The following NGLY1 variants were observed in gnomAD, a reference collection of about 807,000 sequenced individuals.
The protein encoded by NGLY1 is N-glycanase 1.
A neutral mutation model predicts 84.6 loss-of-function variants in NGLY1; 68 were observed. The ratio of observed to expected loss-of-function variants is 0.80; its 90% confidence interval spans 0.66 to 0.98. NGLY1 has a LOEUF of 0.98. NGLY1 is among the 50% of genes least tolerant of loss of function. The pLI is 0.00. For synonymous variants in NGLY1, 280 were observed against 275.2 expected (o/e 1.02, Z -0.17); for missense variants, 779 against 770.2 (o/e 1.01, Z -0.14).
chr3:25,749,228 C>G (rs1462209463), intron 4 of NGLY1, among the ~76,000 whole-genome samples: 1 of 152,192 alleles, frequency 6.6e-6, no homozygotes, highest in African/African-American at 2.4e-5. Context: ...TAAGATCCAG[C>G]AGTTTCACTT....
rs575520419 is a variant in NGLY1 at position 25,789,452 on chromosome 3, TAAG to T, written c.5+406_5+408del. Among the ~76,000 whole-genome samples the T allele has an allele frequency of 1.8e-4, 28 of 152,288 alleles. 1 individual carries two copies. Among genetic ancestry groups the T allele is most frequent in the Middle Eastern group, 6.8e-3 (2 of 294 alleles). ...TTTATTAAATAAAGCTAAGCAAAAA[TAAG>T]GAGGGAAAGATCACAATCAGTATAC... On this transcript the variant is annotated intron_variant, in intron 1 of 11. Coordinates refer to the NGLY1 transcript ENST00000417874.
intron 9 of NGLY1, among the ~76,000 whole-genome samples, chr3:25,730,939 C>G (rs1705506812): frequency 6.6e-6 from 1 of 152,048 alleles, no homozygotes; most frequent in Non-Finnish European, 1.5e-5. Context: ...TCAACTTTAG[C>G]TCCCTAAGGG....
chr3:25,768,112 C>CAAAAA (rs1165791295), intron 2 of NGLY1, among the ~76,000 whole-genome samples: 3 of 49,142 alleles, frequency 6.1e-5, no homozygotes, highest in Non-Finnish European at 1.1e-4. Context: ...GACTCCATCT[C>CAAAAA]AAAAAAAAAA....
At chr3:25,729,046 C>G (rs1156985312) in intron 10 of NGLY1, 87 bp downstream of exon 10, 3 of 935,288 alleles carry the variant, frequency 3.2e-6, no homozygotes, top group Non-Finnish European at 4.4e-6. Flanking sequence ...TATCAGTTTT[C>G]ATATTTTACA....
chr3:25,740,125 T>G (rs1165897661), intron 4 of NGLY1, among the ~76,000 whole-genome samples: 1 of 151,994 alleles, frequency 6.6e-6, no homozygotes, highest in African/African-American at 2.4e-5. Context: ...ACAAGGGAGG[T>G]AGAAAAATAA....
intron 3 of NGLY1, among the ~76,000 whole-genome samples, chr3:25,759,319 G>GAA (rs759612741): frequency 6.1e-5 from 5 of 82,276 alleles, no homozygotes; most frequent in East Asian, 3.4e-4. Flanking sequence ...TATAGAAACA[G>GAA]AAAAAAAAAA....
intron 8 of NGLY1, among the ~76,000 whole-genome samples, chr3:25,733,533 C>T (rs1705662326): frequency 7.4e-6 from 1 of 134,666 alleles, no homozygotes; most frequent in Non-Finnish European, 1.6e-5. Context: ...ATACATAATA[C>T]ATAAATATGA....
intron 9 of NGLY1, among the ~76,000 whole-genome samples, chr3:25,731,057 T>C (rs985391135): frequency 1.3e-5 from 2 of 152,106 alleles, no homozygotes; most frequent in Non-Finnish European, 2.9e-5. Flanking sequence ...TATATTTCCA[T>C]TGTTATTTAA....
intron 3 of NGLY1, chr3:25,754,903 G>T: frequency 1.4e-6 from 1 of 690,480 alleles, no homozygotes; most frequent in South Asian, 1.7e-5. Flanking sequence ...CTCTCTCTCC[G>T]GATAACGAGT....
intron 5 of NGLY1, 123 bp downstream of exon 5, chr3:25,739,454 C>T: frequency 1.0e-6 from 1 of 958,892 alleles, no homozygotes; most frequent in East Asian, 2.6e-5. Context: ...CCACGGTTTG[C>T]TCACCGGTAT....
rs916571774 is a variant in NGLY1, at chr3:25,720,065, T to C, written c.1738A>G (p.Thr580Ala). 1.2e-6 allele frequency: 2 copies of C among 1,613,840 alleles called. No individual in the cohort carries two copies. The highest frequency in any genetic ancestry group is 2.7e-5 in the African/African-American group (2 of 74,914). ...RTSSQTFQTG[T>A]VEWKLRSDTA... is the part of the protein sequence containing the mutation. ...TCAGATCGCAATTTCCATTCTACTG[T>C]TCCAGTCTGAAAAGTTTGACTACTT... is the stretch of plus-strand genomic sequence containing the variant. Residue 580 changes from threonine (T) to alanine (A), a missense_variant, in exon 11 of 12, where the codon ACA becomes GCA. Transcript: ENST00000280700.
chr3:25,752,812 T>C (rs1380363162), intron 3 of NGLY1, among the ~76,000 whole-genome samples: 1 of 150,830 alleles, frequency 6.6e-6, no homozygotes, highest in Non-Finnish European at 1.5e-5. Flanking sequence ...CAAAAATAAA[T>C]TAATAAGTAA....
intron 4 of NGLY1, among the ~76,000 whole-genome samples, chr3:25,741,266 T>C (rs988825701): frequency 5.3e-5 from 8 of 151,966 alleles, no homozygotes; most frequent in African/African-American, 1.5e-4. Context: ...AGACATATTA[T>C]AAAACTCTAA....
At chr3:25,757,895 A>G (rs1321130025) in intron 3 of NGLY1, among the ~76,000 whole-genome samples, 2 of 152,260 alleles carry the variant, frequency 1.3e-5, no homozygotes, top group Non-Finnish European at 2.9e-5. Context: ...AAAATGTCAT[A>G]AAGTCAAAGG....
upstream of NGLY1, among the ~76,000 whole-genome samples, chr3:25,788,431 G>C (rs1159165723): frequency 6.6e-6 from 1 of 152,160 alleles, no homozygotes; most frequent in East Asian, 1.9e-4. Context: ...TGGAATTGTA[G>C]CAGGAAATAT....
chr3:25,733,930 C>A lies in NGLY1; in HGVS notation c.1202G>T (p.Arg401Ile), dbSNP rs1451157480. ...YSCKHEEVIA[R>I]RTKVKEALLR... is the part of the protein sequence containing the mutation. ...TAATGCTTCTTTAACCTTAGTTCTT[C>A]TGGCAATCACCTCTTCATGTTTGCA... is the stretch of plus-strand genomic sequence containing the variant. Residue 401 changes from arginine to isoleucine, a missense_variant, in exon 8 of 12, where the codon AGA (arginine) becomes ATA (isoleucine). Transcript: ENST00000280700. 7 of 1,613,892 alleles carry A rather than the reference C, an allele frequency of 4.3e-6. No homozygotes were observed. The highest frequency in any genetic ancestry group is 5.9e-6 in the Non-Finnish European group (7 of 1,179,892).
At chr3:25,722,748 C>A (rs1705066961) in intron 10 of NGLY1, among the ~76,000 whole-genome samples, 1 of 152,200 alleles carries the variant, frequency 6.6e-6, no homozygotes, top group Non-Finnish European at 1.5e-5. Flanking sequence ...CTGCATGCTC[C>A]TCTTACAGCC....
Position 25,737,348 on chromosome 3 carries a change from A to T in NGLY1, c.989T>A (p.Val330Asp). 1 of 1,613,000 alleles carries T rather than the reference A, an allele frequency of 6.2e-7. No homozygotes were observed. The highest frequency in any genetic ancestry group is 8.5e-7 in the Non-Finnish European group (1 of 1,179,684). Residue 330 changes from valine (V) to aspartate (D), a missense_variant, in exon 6 of 12, where the codon GTT becomes GAT. Transcript: ENST00000280700. ...ACATTCTGTACCTGTGTAATCCCAA[A>T]CATAGCGAGCTTCAAACCCTACAGC... Reference protein sequence around the residue: ...CRAVGFEARYVWDYTDHVWTE... With the variant: ...CRAVGFEARYDWDYTDHVWTE...
intron 2 of NGLY1, among the ~76,000 whole-genome samples, chr3:25,770,400 C>T (rs1408225732): frequency 1.3e-5 from 2 of 152,154 alleles, no homozygotes; most frequent in African/African-American, 2.4e-5. Flanking sequence ...CCACCCACAT[C>T]AGCCTCCCAA....
Sources: allele counts gnomAD v4.1 joint callset (sites outside exome capture counted in the v4.1 genomes callset), GRCh38; gene constraint gnomAD v4.1.1; transcripts MANE v1.5; gene names NCBI Gene and HGNC (gene_info 2026-07-23, HGNC 2026-07-21).